Variants in GPD2 observed in about 807,000 individuals in gnomAD.
The protein encoded by GPD2 is glycerol-3-phosphate dehydrogenase, mitochondrial.
In GPD2, 54 loss-of-function variants were observed where a neutral mutation model predicts 82.4. The observed-to-expected ratio is 0.66, with a 90% CI of 0.53 to 0.82. The LOEUF (loss-of-function observed/expected upper bound fraction) is 0.82, where lower values mean the gene tolerates loss of function less well. Ranked by LOEUF, GPD2 falls within the 40% of genes least tolerant of loss-of-function variation. GPD2 has a pLI of 0.00. For synonymous variants in GPD2, 288 were observed against 306.1 expected (o/e 0.94, Z 0.62); for missense variants, 748 against 896.2 (o/e 0.83, Z 2.11).
intron 12 of GPD2, among the ~76,000 whole-genome samples, chr2:156,570,622 G>A (rs1687579629): frequency 6.6e-6 from 1 of 152,092 alleles, no homozygotes; most frequent in Non-Finnish European, 1.5e-5. Flanking sequence ...CAGAGACCAG[G>A]CTTTGTATTT....
intron 9 of GPD2, among the ~76,000 whole-genome samples, chr2:156,567,620 G>A (rs1286885171): frequency 6.6e-6 from 1 of 152,094 alleles, no homozygotes; most frequent in Non-Finnish European, 1.5e-5. Context: ...GGACCAGGTA[G>A]GCATTATTTT....
the GPD2 span, among the ~76,000 whole-genome samples, chr2:156,422,254 CT>C: frequency 6.6e-6 from 1 of 152,082 alleles, no homozygotes. Context: ...TGTGATGCCC[CT>C]CTCCTCAAAT....
In GPD2 at chr2:156,566,691, C is replaced by G. The variant is rs189875505; in HGVS notation, c.1166-2134C>G. ...ATGAACAAGGTTGTAAAACTTTTCTCTGCTCCATTTCTTTGGAGTATATAC... is the reference window on the plus strand; with the variant it reads ...ATGAACAAGGTTGTAAAACTTTTCTGTGCTCCATTTCTTTGGAGTATATAC... On this transcript the variant is annotated intron_variant, in intron 9 of 16. Transcript: ENST00000438166. Among the ~76,000 whole-genome samples, 6 of 152,194 alleles carry G rather than the reference C, an allele frequency of 3.9e-5. No homozygotes were observed. In the East Asian group the frequency reaches 1.2e-3, roughly 29 times the overall value.
chr2:156,492,823 T>C (rs1684232793), intron 2 of GPD2, among the ~76,000 whole-genome samples: 1 of 152,188 alleles, frequency 6.6e-6, no homozygotes, highest in East Asian at 1.9e-4. Flanking sequence ...TGTTTCCACA[T>C]TTCTGGCACC....
intron 1 of GPD2, among the ~76,000 whole-genome samples, chr2:156,457,159 T>G (rs1443973822): frequency 2.0e-5 from 3 of 152,272 alleles, no homozygotes; most frequent in African/African-American, 7.2e-5. Context: ...TGTCCAGAGT[T>G]TGTGACAGAG....
intron 6 of GPD2, among the ~76,000 whole-genome samples, chr2:156,522,186 GA>G (rs2105289510): frequency 6.6e-6 from 1 of 152,194 alleles, no homozygotes; most frequent in East Asian, 1.9e-4. Context: ...TAGCCCCCAG[GA>G]AACTTTGCAA....
rs2116664 is a variant in GPD2, at chr2:156,549,784, A to C, written c.826+12A>C. On this transcript the variant is annotated intron_variant, in intron 7 of 16. Transcript: ENST00000438166. The stretch of plus-strand genomic sequence containing the variant: ...GGATGTCCTCACAGGTATGCCAGGT[A>C]TCTGGGAGGGAGGTATTTCTTAGTA... 1,142,573 of 1,595,054 alleles carry C rather than the reference A, an allele frequency of 0.72. 410,489 individuals carry two copies. Among genetic ancestry groups the C allele is most frequent in the East Asian group, 0.8 (35,911 of 44,676 alleles).
At chr2:156,476,417 G>A (rs1282415725) in intron 2 of GPD2, among the ~76,000 whole-genome samples, 2 of 152,172 alleles carry the variant, frequency 1.3e-5, no homozygotes, top group Non-Finnish European at 2.9e-5. Context: ...TCTTTTTCAG[G>A]AAGCATTATT....
At chr2:156,466,602 C>T (rs982113331) in intron 1 of GPD2, among the ~76,000 whole-genome samples, 3 of 152,126 alleles carry the variant, frequency 2.0e-5, no homozygotes, top group African/African-American at 7.2e-5. Flanking sequence ...AGAGTGCAAA[C>T]GTGTATCCTT....
chr2:156,549,536 A>G, intron 6 of GPD2, 72 bp from the exon 7 acceptor site: 1 of 1,310,622 alleles, frequency 7.6e-7, no homozygotes, highest in Non-Finnish European at 1.1e-6. Flanking sequence ...ATCTGTTGTG[A>G]CACACTTTTG....
chr2:156,493,839 C>G (rs886448262), intron 2 of GPD2, among the ~76,000 whole-genome samples: 2 of 151,434 alleles, frequency 1.3e-5, no homozygotes, highest in Non-Finnish European at 2.9e-5. Flanking sequence ...GAAAGACTCT[C>G]CCTCCCTCAT....
At chr2:156,557,736 A>G (rs1390697906) in intron 9 of GPD2, among the ~76,000 whole-genome samples, 154 bp downstream of exon 9, 1 of 152,196 alleles carries the variant, frequency 6.6e-6, no homozygotes, top group African/African-American at 2.4e-5. Context: ...AAATTTTAAC[A>G]TAATGGGGAG....
intron 1 of GPD2, among the ~76,000 whole-genome samples, chr2:156,437,143 A>G (rs527622051): frequency 2.0e-5 from 3 of 152,356 alleles, no homozygotes; most frequent in Non-Finnish European, 4.4e-5. Flanking sequence ...AAATTCTTGC[A>G]AAGTGTTAGT....
intron 9 of GPD2, among the ~76,000 whole-genome samples, chr2:156,559,142 C>G (rs552839021): frequency 2.0e-5 from 3 of 152,198 alleles, no homozygotes; most frequent in South Asian, 4.2e-4. Context: ...GAGAAACCAC[C>G]TATTCTTTGT....
intron 3 of GPD2, among the ~76,000 whole-genome samples, chr2:156,499,067 T>C (rs956387813): frequency 2.0e-5 from 3 of 152,096 alleles, no homozygotes; most frequent in Non-Finnish European, 2.9e-5. Context: ...TTCTCAGGGA[T>C]AGAAACAAAG....
chr2:156,455,227 GATTC>G (rs1400795931), intron 1 of GPD2, among the ~76,000 whole-genome samples: 1 of 152,154 alleles, frequency 6.6e-6, no homozygotes, highest in Non-Finnish European at 1.5e-5. Flanking sequence ...CTTACTCCCA[GATTC>G]ATGTTCTTTT....
At chr2:156,434,023 GTTTGA>G (rs913042551), upstream of GPD2, among the ~76,000 whole-genome samples, 5 of 151,984 alleles carry the variant, frequency 3.3e-5, no homozygotes, top group African/African-American at 1.2e-4. Context: ...AAAAATATTG[GTTTGA>G]TTTGTCAAAC....
chr2:156,499,535 C>T (rs927532774), intron 3 of GPD2, among the ~76,000 whole-genome samples: 9 of 152,058 alleles, frequency 5.9e-5, no homozygotes, highest in African/African-American at 2.2e-4. Flanking sequence ...CACTAAGTGA[C>T]TTTTATTCTT....
intron 2 of GPD2, among the ~76,000 whole-genome samples, chr2:156,492,972 G>A (rs999099170): frequency 2.0e-5 from 3 of 152,192 alleles, no homozygotes; most frequent in African/African-American, 4.8e-5. Flanking sequence ...GGCAGTGTGA[G>A]ATCTGGGTTC....
Sources: allele counts gnomAD v4.1 joint callset (sites outside exome capture counted in the v4.1 genomes callset), GRCh38; gene constraint gnomAD v4.1.1; transcripts MANE v1.5; gene names NCBI Gene and HGNC (gene_info 2026-07-23, HGNC 2026-07-21).